Variants in LRP1B observed in about 807,000 individuals in gnomAD.
LRP1B encodes LDL receptor related protein 1B.
A neutral mutation model predicts 556.6 loss-of-function variants in LRP1B; 217 were observed. The ratio of observed to expected loss-of-function variants is 0.39; its 90% CI spans 0.35 to 0.44. The LOEUF is 0.44. LRP1B is among the 20% of genes least tolerant of loss of function. The probability of loss-of-function intolerance (pLI) is 1.00; values close to 1 mark genes in which losing one functional copy is unlikely to be tolerated. For synonymous variants in LRP1B, 2,047 were observed against 1,865.8 expected, an observed-to-expected ratio of 1.10 and a Z score of -2.50; for missense variants, 5,053 against 5,620.8, an observed-to-expected ratio of 0.90 and a Z score of 3.23.
intron 11 of LRP1B, among the ~76,000 whole-genome samples, chr2:141,025,496 T>C (rs1212960794): frequency 2.0e-5 from 3 of 152,116 alleles, no homozygotes; most frequent in Non-Finnish European, 2.9e-5. Context: ...TCAGTAGAAT[T>C]TGAGTAATAA....
At chr2:141,186,480 G>C (rs993390959) in intron 7 of LRP1B, among the ~76,000 whole-genome samples, 1 of 151,968 alleles carries the variant, frequency 6.6e-6, no homozygotes, top group African/African-American at 2.4e-5. Flanking sequence ...GAGAAAAATA[G>C]AATGTATTTT....
At chr2:141,782,514 CTT>C (rs5834867) in intron 2 of LRP1B, among the ~76,000 whole-genome samples, 69 of 97,842 alleles carry the variant, frequency 7.1e-4, no homozygotes, top group Middle Eastern at 9.4e-3. Context: ...TTCTATTTTC[CTT>C]TTTTTTTTTT....
chr2:141,512,725 T>A (rs1684174685), intron 2 of LRP1B, among the ~76,000 whole-genome samples: 1 of 152,156 alleles, frequency 6.6e-6, no homozygotes, highest in Non-Finnish European at 1.5e-5. Flanking sequence ...CACTGTTACT[T>A]GCTCAAGATT....
At chr2:141,997,415 A>AAG (rs1702525737) in intron 1 of LRP1B, among the ~76,000 whole-genome samples, 1 of 138,356 alleles carries the variant, frequency 7.2e-6, no homozygotes. Context: ...AAATGTATAT[A>AAG]TGTGTGTGTG....
intron 43 of LRP1B, among the ~76,000 whole-genome samples, chr2:140,568,889 AG>A (rs1305810463): frequency 1.4e-4 from 21 of 152,260 alleles, no homozygotes; most frequent in African/African-American, 5.1e-4. Context: ...TGCCAAGAAA[AG>A]CTAACCTTTA....
chr2:141,177,612 C>T (rs1001972216), intron 7 of LRP1B, among the ~76,000 whole-genome samples: 1 of 152,034 alleles, frequency 6.6e-6, no homozygotes, highest in African/African-American at 2.4e-5. Context: ...TATGTGATTG[C>T]TTGGGCAAGA....
At chr2:140,523,683 C>A (rs1210499705) in intron 49 of LRP1B, among the ~76,000 whole-genome samples, 1 of 151,700 alleles carries the variant, frequency 6.6e-6, no homozygotes, top group Non-Finnish European at 1.5e-5. Context: ...AGTGAAGATG[C>A]AAAATTAATG....
chr2:141,862,904 A>C (rs1351288379), intron 1 of LRP1B, among the ~76,000 whole-genome samples: 1 of 152,214 alleles, frequency 6.6e-6, no homozygotes. Context: ...TATATCTGGA[A>C]TAGCACACTG....
At chr2:140,270,423 G>C in intron 85 of LRP1B, 77 bp from the exon 86 acceptor site, 1 of 948,172 alleles carries the variant, frequency 1.1e-6, no homozygotes, top group Non-Finnish European at 1.7e-6. Context: ...TAAACTCTCT[G>C]TGGATGAGAA....
chr2:141,568,970 G>A (rs1686435769), intron 2 of LRP1B, among the ~76,000 whole-genome samples: 1 of 148,980 alleles, frequency 6.7e-6, no homozygotes, highest in South Asian at 2.1e-4. Context: ...GTTTCACCAT[G>A]TTGGCCAGGC....
chr2:140,836,793 A>G (rs1422497254), intron 31 of LRP1B, among the ~76,000 whole-genome samples: 1 of 152,226 alleles, frequency 6.6e-6, no homozygotes, highest in Non-Finnish European at 1.5e-5. Context: ...TGGACAACAC[A>G]GCTTTTCATT....
Position 140,922,122 on chromosome 2 carries a change from C to T in LRP1B, c.3319+843G>A, listed in dbSNP as rs564372288. Among the ~76,000 whole-genome samples the T allele has an allele frequency of 2.0e-4, 31 of 152,042 alleles. 1 individual carries two copies. The South Asian group carries it at 3.9e-3, about 19-fold the overall frequency. On this transcript the variant is annotated intron_variant, in intron 21 of 90. Transcript: ENST00000389484. ...CACAAATTAAACCACAATAGCTCAT[C>T]GTAATCTACTTTTCTCTAAACTTCA...
At position 140,856,738 on chromosome 2, in the gene LRP1B, T is replaced by TACACACACACAC. The variant is rs57220779; in HGVS notation, c.4580-4967_4580-4956dup. ...ATACGCTGGCGGGAACTAAGAGAGA[T>TACACACACACAC]ACACACACACACACACACACACACA... On this transcript the variant is annotated intron_variant, in intron 27 of 90. Coordinates refer to ENST00000389484, the MANE Select transcript of LRP1B (RefSeq NM_018557.3). Among the ~76,000 whole-genome samples, 76 of 148,468 alleles carry TACACACACACAC rather than the reference T, an allele frequency of 5.1e-4. 1 individual carries two copies. Among genetic ancestry groups the TACACACACACAC allele is most frequent in the African/African-American group, 1.3e-3 (53 of 39,824 alleles).
At chr2:140,823,940 G>C (rs1438488095) in intron 31 of LRP1B, among the ~76,000 whole-genome samples, 2 of 151,832 alleles carry the variant, frequency 1.3e-5, no homozygotes, top group Non-Finnish European at 2.9e-5. Flanking sequence ...ACTTGAGGGT[G>C]GAAGGTGGGA....
rs939260720 is a variant in LRP1B at position 141,736,342 on chromosome 2, T to C, written c.205+73937A>G. 2.0e-5 allele frequency among the ~76,000 whole-genome samples: 3 copies of C among 152,306 alleles called. 1 individual carries two copies. In the South Asian group the frequency reaches 6.2e-4, roughly 32 times the overall value. ...GAAGAAGCCCTGGTACTTGTGAATA[T>C]AACCTTATTTAAAAATAGTGTTATT... On this transcript the variant is annotated intron_variant, in intron 2 of 90. Transcript: ENST00000389484.
At chr2:140,397,365 C>T (rs1684299872) in intron 66 of LRP1B, among the ~76,000 whole-genome samples, 1 of 152,092 alleles carries the variant, frequency 6.6e-6, no homozygotes, top group Non-Finnish European at 1.5e-5. Context: ...CAACTCCCAA[C>T]AGGCTCCAGT....
chr2:140,919,097 C>T (rs1399513296), intron 21 of LRP1B, among the ~76,000 whole-genome samples: 1 of 151,890 alleles, frequency 6.6e-6, no homozygotes, highest in Non-Finnish European at 1.5e-5. Context: ...TTCATTTAGT[C>T]ATGAATAATT....
intron 1 of LRP1B, among the ~76,000 whole-genome samples, chr2:141,892,363 G>A (rs562696186): frequency 9.4e-4 from 142 of 151,806 alleles, no homozygotes; most frequent in African/African-American, 3.2e-3. Flanking sequence ...AAAAATATAC[G>A]GATAGACCCT....
chr2:141,588,654 G>A (rs1451273694), intron 2 of LRP1B, among the ~76,000 whole-genome samples: 3 of 152,110 alleles, frequency 2.0e-5, no homozygotes, highest in African/African-American at 4.8e-5. Flanking sequence ...AAGATAATGT[G>A]ACACTAGCAC....
Sources: gnomAD v4.1 joint callset for allele counts (sites outside exome capture counted in the v4.1 genomes callset) on GRCh38, gnomAD v4.1.1 for gene constraint, MANE v1.5 for transcripts, NCBI Gene and HGNC (gene_info 2026-07-23, HGNC 2026-07-21) for gene names.